TMEM120B: variants seen among roughly 807,000 people sequenced by gnomAD.
TMEM120B encodes transmembrane protein 120B.
Under a neutral mutation model 55.5 loss-of-function variants are expected in TMEM120B, and 31 were observed. The observed-to-expected ratio is 0.56, with a 90% CI of 0.42 to 0.75. TMEM120B has a LOEUF of 0.75. TMEM120B is among the 30% of genes least tolerant of loss of function. The pLI is 0.00. For missense variants in TMEM120B, 399 were observed against 425.5 expected, an observed-to-expected ratio of 0.94 and a Z score of 0.55; for synonymous variants, 203 against 176.3, an observed-to-expected ratio of 1.15 and a Z score of -1.20.
chr12:121,763,179 T>C (rs1326649723), intron 6 of TMEM120B, among the ~76,000 whole-genome samples: 1 of 148,204 alleles, frequency 6.7e-6, no homozygotes, highest in Non-Finnish European at 1.5e-5. Flanking sequence ...TTTTTTTTTT[T>C]TGAGACGAAG....
At chr12:121,715,734 A>G (rs1894688729) in intron 1 of TMEM120B, among the ~76,000 whole-genome samples, 1 of 152,058 alleles carries the variant, frequency 6.6e-6, no homozygotes. Flanking sequence ...CGGAGCAGAA[A>G]CTGCCATCTA....
At chr12:121,752,479 G>A (rs1976656) in intron 5 of TMEM120B, among the ~76,000 whole-genome samples, 27,784 of 152,090 alleles carry the variant, frequency 0.18, 2,871 homozygotes, top group South Asian at 0.31. Flanking sequence ...ATTACCTGGC[G>A]CGGTGGCTCA....
At chr12:121,738,087 CTAAAAATA>C (rs1306039716) in intron 1 of TMEM120B, among the ~76,000 whole-genome samples, 2 of 150,884 alleles carry the variant, frequency 1.3e-5, no homozygotes, top group Non-Finnish European at 2.9e-5. Flanking sequence ...ATCTACTCTA[CTAAAAATA>C]TAAAAATACA....
intron 3 of TMEM120B, among the ~76,000 whole-genome samples, chr12:121,750,038 A>G (rs1292364243): frequency 6.6e-6 from 1 of 152,082 alleles, no homozygotes; most frequent in Non-Finnish European, 1.5e-5. Flanking sequence ...AAAAATAAAG[A>G]AAATTCTTTA....
chr12:121,761,853 T>G, intron 6 of TMEM120B, 115 bp downstream of exon 6: 1 of 787,704 alleles, frequency 1.3e-6, no homozygotes. Flanking sequence ...CCTTGGGGGT[T>G]GCTCTGTGAC....
intron 5 of TMEM120B, among the ~76,000 whole-genome samples, chr12:121,754,885 C>T (rs944624123): frequency 6.6e-6 from 1 of 152,142 alleles, no homozygotes; most frequent in Non-Finnish European, 1.5e-5. Context: ...CCGGTGCCCC[C>T]GGGAAGCCTG....
At position 121,748,980 on chromosome 12, in the gene TMEM120B, T is replaced by C. The variant is rs555616868; in HGVS notation, c.305+538T>C. On this transcript the variant is annotated intron_variant, in intron 3 of 11. Coordinates refer to ENST00000449592, the MANE Select transcript of TMEM120B (RefSeq NM_001080825.2). ...CCGTTCCCTCCCTTAAGTGATGTCA[T>C]TGCCACCTTGTTCTGGAGAGAGAGA... Among the ~76,000 whole-genome samples the C allele has an allele frequency of 4.6e-5, 7 of 152,316 alleles. No homozygotes were observed. In the East Asian group the frequency reaches 9.6e-4, roughly 21 times the overall value.
intron 1 of TMEM120B, among the ~76,000 whole-genome samples, chr12:121,735,480 C>G (rs1291764748): frequency 2.0e-5 from 3 of 151,396 alleles, no homozygotes; most frequent in Non-Finnish European, 4.4e-5. Context: ...CTCACTGCAA[C>G]CTCCGCGTCC....
intron 1 of TMEM120B, among the ~76,000 whole-genome samples, chr12:121,726,045 A>AAC (rs1555330125): frequency 2.0e-5 from 3 of 150,106 alleles, no homozygotes; most frequent in South Asian, 2.1e-4. Context: ...CAAAAAAAAA[A>AAC]AAACAAAAAA....
chr12:121,739,875 T>C (rs896445789), intron 1 of TMEM120B, among the ~76,000 whole-genome samples: 9 of 147,588 alleles, frequency 6.1e-5, no homozygotes, highest in Admixed American at 5.6e-4. Context: ...CCCTCCCGGG[T>C]TGAAGCGATT....
chr12:121,731,209 T>C lies in TMEM120B; in HGVS notation c.70-12420T>C, dbSNP rs540457179. ...CAGTGGTCCTATGAGATTATGATGC[T>C]ATATTTTTACTGTACCTTTTTCTGT... On this transcript the variant is annotated intron_variant, in intron 1 of 11. Coordinates refer to ENST00000449592, the MANE Select transcript of TMEM120B (RefSeq NM_001080825.2). Among the ~76,000 whole-genome samples the C allele has an allele frequency of 1.8e-4, 28 of 152,306 alleles. 1 individual carries two copies. The highest frequency in any genetic ancestry group is 6.3e-4 in the African/African-American group (26 of 41,580).
intron 8 of TMEM120B, among the ~76,000 whole-genome samples, chr12:121,772,528 C>T (rs1436580030): frequency 6.6e-6 from 1 of 151,696 alleles, no homozygotes; most frequent in Non-Finnish European, 1.5e-5. Flanking sequence ...CTCCACCTCC[C>T]GGTTCAAGCG....
At chr12:121,771,667 G>T (rs888501016) in intron 8 of TMEM120B, 118 bp downstream of exon 8, 22 of 1,050,010 alleles carry the variant, frequency 2.1e-5, no homozygotes, top group Non-Finnish European at 3.1e-5. Flanking sequence ...GACCAGACTG[G>T]GGGAGAGGGT....
chr12:121,772,861 C>A (rs1455857745), intron 8 of TMEM120B, among the ~76,000 whole-genome samples: 2 of 152,202 alleles, frequency 1.3e-5, no homozygotes, highest in East Asian at 3.8e-4. Context: ...TATGTCCTCT[C>A]AAAAGTTTTT....
In TMEM120B at chr12:121,781,630, C is replaced by T; in HGVS notation, c.*5908C>T. The T allele has an allele frequency of 1.6e-5, 3 of 189,274 alleles. No homozygotes were observed. In the South Asian group the frequency reaches 2.8e-4, roughly 18 times the overall value. 11.7% of individuals were successfully genotyped at this position (189,274 alleles called of 1,614,324 possible). A position where few individuals can be genotyped will look rare whatever the true frequency, so the allele number is the denominator to read the frequency against. On this transcript the variant is annotated 3_prime_UTR_variant, in exon 12 of 12. Coordinates refer to ENST00000449592, the MANE Select transcript of TMEM120B (RefSeq NM_001080825.2). ...CCGATAGCCAGTGTGATCCCCCTGC[C>T]CTGATGGTCAAGGGCAGAGTGCAGA...
At chr12:121,758,332 CA>C (rs1873544845) in intron 5 of TMEM120B, 2 of 985,392 alleles carry the variant, frequency 2.0e-6, no homozygotes, top group Non-Finnish European at 2.4e-6. Flanking sequence ...CCATGCTGAC[CA>C]GGTACAGCAT....
chr12:121,750,572 ACACCCACACTCCACACCAACACCC>A, intron 4 of TMEM120B, 133 bp downstream of exon 4: 1 of 620,058 alleles, frequency 1.6e-6, no homozygotes, highest in Non-Finnish European at 2.8e-6. Flanking sequence ...CCTCAAACCC[ACACCCACACTCCACACCAACACCC>A]CACCCACACC....
intron 6 of TMEM120B, among the ~76,000 whole-genome samples, chr12:121,762,865 A>G (rs1412914053): frequency 6.6e-6 from 1 of 152,108 alleles, no homozygotes; most frequent in Non-Finnish European, 1.5e-5. Context: ...CAGCCCTGTG[A>G]CCCTGGGCAA....
At chr12:121,748,643 C>A (rs971724321) in intron 3 of TMEM120B, among the ~76,000 whole-genome samples, 1 of 152,078 alleles carries the variant, frequency 6.6e-6, no homozygotes, top group Admixed American at 6.6e-5. Context: ...GTGACAGCAG[C>A]ATTCCTGGGA....
Sources: gnomAD v4.1 joint callset for allele counts (sites outside exome capture counted in the v4.1 genomes callset) on GRCh38, gnomAD v4.1.1 for gene constraint, MANE v1.5 for transcripts, NCBI Gene and HGNC (gene_info 2026-07-23, HGNC 2026-07-21) for gene names.